Variants in FMN1 observed in about 807,000 individuals in gnomAD.
FMN1 encodes formin 1, also known as formin-1.
In FMN1, 110 loss-of-function variants were observed where a neutral mutation model predicts 132.4. The ratio of observed to expected loss-of-function variants is 0.83; its 90% CI spans 0.71 to 0.97. The LOEUF (loss-of-function observed/expected upper bound fraction) is 0.97, where lower values mean the gene tolerates loss of function less well. FMN1 is among the 50% of genes least tolerant of loss of function. The probability of loss-of-function intolerance (pLI) is 0.00; values close to 1 mark genes in which losing one functional copy is unlikely to be tolerated. For missense variants in FMN1, 1,792 were observed against 1,705.3 expected (o/e 1.05, Z -0.90); for synonymous variants, 722 against 651.7 (o/e 1.11, Z -1.64).
At chr15:32,924,067 T>C (rs547321965) in intron 10 of FMN1, among the ~76,000 whole-genome samples, 1 of 152,340 alleles carries the variant, frequency 6.6e-6, no homozygotes, top group South Asian at 2.1e-4. Context: ...TGTTTTTGTT[T>C]TTCTTTTTTT....
At chr15:33,171,096 G>A (rs1307985742) in intron 3 of FMN1, among the ~76,000 whole-genome samples, 1 of 152,124 alleles carries the variant, frequency 6.6e-6, no homozygotes, top group Non-Finnish European at 1.5e-5. Flanking sequence ...AGAACTGGAG[G>A]TCATTAAATA....
intron 4 of FMN1, among the ~76,000 whole-genome samples, chr15:33,109,517 G>T (rs139001001): frequency 6.6e-6 from 1 of 152,146 alleles, no homozygotes; most frequent in Non-Finnish European, 1.5e-5. Flanking sequence ...CCATAAAAAA[G>T]AATGAAATCA....
chr15:33,170,044 A>G (rs1965259903), intron 3 of FMN1, among the ~76,000 whole-genome samples: 1 of 152,108 alleles, frequency 6.6e-6, no homozygotes, highest in Non-Finnish European at 1.5e-5. Flanking sequence ...AATTTATATC[A>G]AGTCTTTCTT....
At chr15:32,907,752 CCCTCTGAACCTGTGTCAGAGGACACAGGT>C (rs1017398148) in intron 12 of FMN1, among the ~76,000 whole-genome samples, 7 of 85,592 alleles carry the variant, frequency 8.2e-5, no homozygotes, top group African/African-American at 1.4e-4. Context: ...GCAAAAGAGG[CCCTCTGAACCTGTGTCAGAGGACACAGGT>C]CCTCTGAACC....
At chr15:32,862,108 C>T (rs1012168889) in intron 16 of FMN1, among the ~76,000 whole-genome samples, 1 of 152,134 alleles carries the variant, frequency 6.6e-6, no homozygotes, top group Non-Finnish European at 1.5e-5. Flanking sequence ...TTGGCTTATC[C>T]GAGATGCTTT....
At chr15:32,950,675 C>A (rs1320039357) in intron 9 of FMN1, among the ~76,000 whole-genome samples, 2 of 152,078 alleles carry the variant, frequency 1.3e-5, no homozygotes, top group Non-Finnish European at 2.9e-5. Flanking sequence ...GCAACATACA[C>A]TGGGGCCTAT....
intron 4 of FMN1, among the ~76,000 whole-genome samples, chr15:33,101,298 G>C (rs979537138): frequency 6.6e-6 from 1 of 151,954 alleles, no homozygotes; most frequent in African/African-American, 2.4e-5. Context: ...TTGGCGATTT[G>C]GTAAATTCAG....
intron 10 of FMN1, among the ~76,000 whole-genome samples, chr15:32,912,620 G>A (rs537947744): frequency 3.0e-4 from 45 of 152,248 alleles, no homozygotes; most frequent in Admixed American, 2.6e-3. Flanking sequence ...TCTTTGGGAG[G>A]TGACATTTAA....
chr15:33,065,090 G>T lies in FMN1; in HGVS notation c.2044-16C>A. The T allele has an allele frequency of 6.4e-7, 1 of 1,557,582 alleles. No homozygotes were observed. The highest frequency in any genetic ancestry group is 8.8e-7 in the Non-Finnish European group (1 of 1,136,020). On this transcript the variant is annotated splice_polypyrimidine_tract_variant and intron_variant, in intron 5 of 20. Transcript: ENST00000616417. ...TGTGGTCAGGCTGTTGAAAGAGCAG[G>T]CAAATAGTAAGTGGAATGTAGTCAG...
intron 17 of FMN1, among the ~76,000 whole-genome samples, chr15:32,835,237 G>A (rs1304151143): frequency 6.6e-6 from 1 of 152,138 alleles, no homozygotes; most frequent in African/African-American, 2.4e-5. Flanking sequence ...ATGAACAAGG[G>A]AAAGCAGACT....
At chr15:32,804,040 C>A (rs753026296) in intron 18 of FMN1, among the ~76,000 whole-genome samples, 1 of 152,026 alleles carries the variant, frequency 6.6e-6, no homozygotes, top group Non-Finnish European at 1.5e-5. Context: ...ACTGGATGAC[C>A]CCAATTGCAT....
intron 4 of FMN1, among the ~76,000 whole-genome samples, chr15:33,131,997 G>T (rs11857155): frequency 0.22 from 34,014 of 152,010 alleles, 5,687 homozygotes; most frequent in African/African-American, 0.47. Context: ...CAAGTCCCAG[G>T]AAGTGCCCCG....
chr15:33,034,304 A>G (rs527694101), intron 6 of FMN1, among the ~76,000 whole-genome samples: 8 of 152,290 alleles, frequency 5.3e-5, no homozygotes, highest in African/African-American at 1.4e-4. Context: ...TGCTCAGGTC[A>G]AATACCCTGA....
chr15:33,162,441 A>G (rs1964934027), intron 3 of FMN1, among the ~76,000 whole-genome samples: 1 of 152,062 alleles, frequency 6.6e-6, no homozygotes. Context: ...AAAAAAGGAG[A>G]GTCAACATCA....
chr15:32,815,699 A>G (rs2058040047), intron 17 of FMN1, among the ~76,000 whole-genome samples: 1 of 152,228 alleles, frequency 6.6e-6, no homozygotes, highest in Non-Finnish European at 1.5e-5. Flanking sequence ...GCTACAACTA[A>G]GATCCAAGGA....
chr15:33,063,205 C>T (rs1255513430), intron 6 of FMN1: 3 of 152,460 alleles, frequency 2.0e-5, no homozygotes, highest in Admixed American at 1.3e-4. Flanking sequence ...TCAAGTGGCT[C>T]CCAGTCTGCT....
intron 5 of FMN1, among the ~76,000 whole-genome samples, chr15:33,085,764 G>C (rs919959304): frequency 2.6e-5 from 4 of 151,998 alleles, no homozygotes; most frequent in Non-Finnish European, 5.9e-5. Context: ...AGGAAAAATT[G>C]TATTTGTAGT....
At chr15:32,889,633 C>A (rs975118653) in intron 15 of FMN1, among the ~76,000 whole-genome samples, 1 of 152,182 alleles carries the variant, frequency 6.6e-6, no homozygotes, top group Non-Finnish European at 1.5e-5. Context: ...TGCCTCCTTA[C>A]ACTTCCTTGT....
At chr15:33,033,678 T>A (rs1400636268) in intron 6 of FMN1, among the ~76,000 whole-genome samples, 1 of 152,020 alleles carries the variant, frequency 6.6e-6, no homozygotes, top group East Asian at 1.9e-4. Context: ...GGTTTTTTTT[T>A]TTTGTTCCTT....
Sources: gnomAD v4.1 joint callset for allele counts (sites outside exome capture counted in the v4.1 genomes callset) on GRCh38, gnomAD v4.1.1 for gene constraint, MANE v1.5 for transcripts, NCBI Gene and HGNC (gene_info 2026-07-23, HGNC 2026-07-21) for gene names.